ARHGAP15: variants seen among roughly 807,000 people sequenced by gnomAD.
ARHGAP15 encodes Rho GTPase activating protein 15, also known as rho GTPase-activating protein 15.
In ARHGAP15, 51 loss-of-function variants were observed where a neutral mutation model predicts 63.7. The observed-to-expected ratio is 0.80, with a 90% confidence interval of 0.64 to 1.01. The LOEUF is 1.01. Ranked by LOEUF, ARHGAP15 falls within the 50% of genes least tolerant of loss-of-function variation. The probability of loss-of-function intolerance (pLI) is 0.00; values close to 1 mark genes in which losing one functional copy is unlikely to be tolerated. For synonymous variants in ARHGAP15, 191 were observed against 193.8 expected (o/e 0.99, Z 0.12); for missense variants, 560 against 564.6 (o/e 0.99, Z 0.08).
chr2:143,399,026 A>T (rs1038523580), intron 6 of ARHGAP15, among the ~76,000 whole-genome samples: 2 of 152,054 alleles, frequency 1.3e-5, no homozygotes, highest in African/African-American at 4.8e-5. Flanking sequence ...TGGCAAGGAG[A>T]TCCCAACTGT....
At chr2:143,213,943 G>A (rs541358536) in intron 3 of ARHGAP15, among the ~76,000 whole-genome samples, 4 of 152,214 alleles carry the variant, frequency 2.6e-5, no homozygotes, top group Non-Finnish European at 5.9e-5. Flanking sequence ...GAAAAGTCCT[G>A]CAGTGTCTGG....
At chr2:143,189,305 T>C (rs138074162) in intron 2 of ARHGAP15, among the ~76,000 whole-genome samples, 4 of 152,286 alleles carry the variant, frequency 2.6e-5, no homozygotes, top group South Asian at 2.1e-4. Context: ...AACTATATGG[T>C]CCTTCTTGTT....
chr2:143,679,033 G>C (rs750475959), intron 12 of ARHGAP15, among the ~76,000 whole-genome samples: 86 of 152,088 alleles, frequency 5.7e-4, no homozygotes, highest in Non-Finnish European at 9.8e-4. Flanking sequence ...CTGCTTTGCT[G>C]TAGTAAGTAG....
chr2:143,566,181 T>A (rs1696214684), intron 11 of ARHGAP15, among the ~76,000 whole-genome samples: 1 of 152,044 alleles, frequency 6.6e-6, no homozygotes, highest in Non-Finnish European at 1.5e-5. Flanking sequence ...CAAACTAAGG[T>A]CTGAATGACT....
At chr2:143,459,895 C>A (rs557694011) in intron 8 of ARHGAP15, among the ~76,000 whole-genome samples, 1 of 151,960 alleles carries the variant, frequency 6.6e-6, no homozygotes, top group Non-Finnish European at 1.5e-5. Context: ...TTAGAATAAA[C>A]GTGCATAATG....
chr2:143,260,068 T>C (rs763741339), intron 6 of ARHGAP15, among the ~76,000 whole-genome samples: 51 of 152,294 alleles, frequency 3.3e-4, no homozygotes, highest in South Asian at 6.2e-4. Flanking sequence ...AAAGAAAATG[T>C]ACAGAGGTTC....
intron 2 of ARHGAP15, among the ~76,000 whole-genome samples, chr2:143,195,223 A>G (rs562143162): frequency 2.6e-5 from 4 of 152,204 alleles, no homozygotes; most frequent in Non-Finnish European, 4.4e-5. Flanking sequence ...CCTCCCAAAA[A>G]AAAAAGAGAG....
chr2:143,554,647 T>C (rs1036744063), intron 10 of ARHGAP15, among the ~76,000 whole-genome samples: 10 of 152,068 alleles, frequency 6.6e-5, no homozygotes, highest in Admixed American at 5.9e-4. Context: ...AAAAAGAAAA[T>C]GATAAGTTTT....
intron 6 of ARHGAP15, among the ~76,000 whole-genome samples, chr2:143,354,771 C>G (rs1417343626): frequency 6.6e-6 from 1 of 152,106 alleles, no homozygotes; most frequent in Non-Finnish European, 1.5e-5. Flanking sequence ...GTTAATTTTG[C>G]AAAACATTAA....
intron 6 of ARHGAP15, among the ~76,000 whole-genome samples, chr2:143,316,203 A>G (rs1202613476): frequency 1.3e-5 from 2 of 152,194 alleles, no homozygotes; most frequent in Non-Finnish European, 2.9e-5. Context: ...TAGTTTAGGT[A>G]GGAAATCACC....
At chr2:143,369,575 AT>A (rs1686452878) in intron 6 of ARHGAP15, among the ~76,000 whole-genome samples, 1 of 152,136 alleles carries the variant, frequency 6.6e-6, no homozygotes, top group South Asian at 2.1e-4. Context: ...ACAGACTTCA[AT>A]TTAGTCAAAC....
intron 6 of ARHGAP15, among the ~76,000 whole-genome samples, chr2:143,412,904 T>G (rs1430787039): frequency 2.0e-5 from 3 of 152,190 alleles, no homozygotes; most frequent in African/African-American, 7.2e-5. Flanking sequence ...CCTATTCAGT[T>G]TATTTTTCTA....
intron 12 of ARHGAP15, among the ~76,000 whole-genome samples, chr2:143,649,672 T>G (rs1681065477): frequency 6.6e-6 from 1 of 151,958 alleles, no homozygotes; most frequent in African/African-American, 2.4e-5. Context: ...CTCCAGCAGA[T>G]GTAGTCTGTT....
intron 6 of ARHGAP15, among the ~76,000 whole-genome samples, chr2:143,388,483 G>GAC (rs1356798243): frequency 1.3e-5 from 2 of 152,198 alleles, no homozygotes; most frequent in African/African-American, 4.8e-5. Flanking sequence ...ATGGGAGAGA[G>GAC]ACAGCACAAA....
At chr2:143,247,042 A>G (rs1030642149) in intron 5 of ARHGAP15, among the ~76,000 whole-genome samples, 3 of 152,180 alleles carry the variant, frequency 2.0e-5, no homozygotes, top group Non-Finnish European at 4.4e-5. Context: ...TCTCTTTGGA[A>G]TGACCCTCTA....
At chr2:143,166,757 C>T (rs1472457009) in intron 2 of ARHGAP15, among the ~76,000 whole-genome samples, 2 of 152,098 alleles carry the variant, frequency 1.3e-5, no homozygotes, top group Non-Finnish European at 2.9e-5. Context: ...TTTAAAACTT[C>T]AAATTATAAG....
intron 9 of ARHGAP15, among the ~76,000 whole-genome samples, chr2:143,500,837 A>C (rs1005046064): frequency 9.2e-5 from 14 of 152,214 alleles, no homozygotes; most frequent in Admixed American, 7.8e-4. Context: ...ATGTAGAGCA[A>C]AAGAGAGAAA....
At chr2:143,630,750 T>C (rs1426437232) in intron 12 of ARHGAP15, among the ~76,000 whole-genome samples, 1 of 152,136 alleles carries the variant, frequency 6.6e-6, no homozygotes, top group Non-Finnish European at 1.5e-5. Context: ...GGTGAGCATA[T>C]ACTCCTTCCC....
chr2:143,346,250 T>A (rs7565676), intron 6 of ARHGAP15, among the ~76,000 whole-genome samples: 8,970 of 138,258 alleles, frequency 0.065, 538 homozygotes, highest in Admixed American at 0.21. Context: ...ACACACACAC[T>A]CACACACACA....
Sources: gnomAD v4.1 joint callset for allele counts (sites outside exome capture counted in the v4.1 genomes callset) on GRCh38, gnomAD v4.1.1 for gene constraint, MANE v1.5 for transcripts, NCBI Gene and HGNC (gene_info 2026-07-23, HGNC 2026-07-21) for gene names.